ST3GAL1: variants seen among roughly 807,000 people sequenced by gnomAD.
ST3GAL1 encodes ST3 beta-galactoside alpha-2,3-sialyltransferase 1.
ST3GAL1 carries 16 observed loss-of-function variants against 34.1 expected under a neutral mutation model. The observed-to-expected ratio is 0.47, with a 90% confidence interval of 0.32 to 0.71. ST3GAL1 has a LOEUF of 0.71. Ranked by LOEUF, ST3GAL1 falls within the 30% of genes least tolerant of loss-of-function variation. The probability of loss-of-function intolerance (pLI) is 0.04; values close to 1 mark genes in which losing one functional copy is unlikely to be tolerated. For missense variants in ST3GAL1, 353 were observed against 447.4 expected (o/e 0.79, Z 1.90); for synonymous variants, 191 against 184.7 (o/e 1.03, Z -0.28).
At chr8:133,511,630 C>A (rs111742965) in intron 2 of ST3GAL1, among the ~76,000 whole-genome samples, 3,921 of 152,312 alleles carry the variant, frequency 0.026, 59 homozygotes, top group Non-Finnish European at 0.035. Context: ...TGCCAACGTG[C>A]CACACCAACA....
chr8:133,460,821 A>C (rs1305335292), intron 9 of ST3GAL1, among the ~76,000 whole-genome samples: 2 of 151,782 alleles, frequency 1.3e-5, no homozygotes, highest in Non-Finnish European at 2.9e-5. Context: ...GATGACCAGA[A>C]GGAATTGCAT....
chr8:133,554,712 T>A (rs1052540481), intron 1 of ST3GAL1, among the ~76,000 whole-genome samples: 2 of 151,154 alleles, frequency 1.3e-5, no homozygotes, highest in East Asian at 2.0e-4. Flanking sequence ...GGGGTTTTTT[T>A]ATTTCTTTAT....
chr8:133,495,194 A>C (rs1586616700), intron 3 of ST3GAL1, among the ~76,000 whole-genome samples: 1 of 152,294 alleles, frequency 6.6e-6, no homozygotes, highest in East Asian at 1.9e-4. Context: ...CTGGGATTAC[A>C]GGCATGAGCC....
chr8:133,483,879 AG>A (rs1030423835), intron 3 of ST3GAL1, among the ~76,000 whole-genome samples: 2 of 152,140 alleles, frequency 1.3e-5, no homozygotes, highest in Non-Finnish European at 2.9e-5. Context: ...CCCCAGGAAA[AG>A]GTTCCTCAAA....
intron 3 of ST3GAL1, among the ~76,000 whole-genome samples, chr8:133,491,617 T>G (rs1156438773): frequency 6.6e-6 from 1 of 152,154 alleles, no homozygotes; most frequent in Non-Finnish European, 1.5e-5. Flanking sequence ...TTCAGGGGCA[T>G]CCAGGAGGTG....
At chr8:133,568,617 T>G (rs557105282) in intron 1 of ST3GAL1, among the ~76,000 whole-genome samples, 1 of 152,138 alleles carries the variant, frequency 6.6e-6, no homozygotes, top group South Asian at 2.1e-4. Context: ...GGGCCTAGAG[T>G]GAGGGTTAAT....
intron 2 of ST3GAL1, among the ~76,000 whole-genome samples, chr8:133,538,160 C>T (rs1818360210): frequency 6.6e-6 from 1 of 152,164 alleles, no homozygotes; most frequent in Non-Finnish European, 1.5e-5. Flanking sequence ...CAGCAGAAAC[C>T]ATGTTTTTGT....
At chr8:133,514,333 G>A (rs1817584411) in intron 2 of ST3GAL1, among the ~76,000 whole-genome samples, 1 of 152,132 alleles carries the variant, frequency 6.6e-6, no homozygotes, top group Admixed American at 6.5e-5. Context: ...ATTCATTTTG[G>A]CTTTAGGATC....
chr8:133,464,688 T>C, intron 7 of ST3GAL1, 90 bp downstream of exon 7: 1 of 1,442,170 alleles, frequency 6.9e-7, no homozygotes, highest in South Asian at 1.4e-5. Flanking sequence ...GGCACCCCGG[T>C]GGAGGCACAG....
intron 2 of ST3GAL1, among the ~76,000 whole-genome samples, chr8:133,503,866 C>T (rs1392499586): frequency 6.6e-6 from 1 of 152,184 alleles, no homozygotes; most frequent in African/African-American, 2.4e-5. Flanking sequence ...TGAGGTGATG[C>T]ATTAGGGCTG....
chr8:133,503,596 G>GT (rs142834257), intron 2 of ST3GAL1, among the ~76,000 whole-genome samples: 4,286 of 152,040 alleles, frequency 0.028, 212 homozygotes, highest in African/African-American at 0.098. Flanking sequence ...TTGATCAATT[G>GT]TTTTTCCTTA....
chr8:133,513,448 T>A (rs932568890), intron 2 of ST3GAL1, among the ~76,000 whole-genome samples: 2 of 152,228 alleles, frequency 1.3e-5, no homozygotes, highest in Admixed American at 6.5e-5. Flanking sequence ...AGGCCTCCCA[T>A]ATTTATATAG....
intron 2 of ST3GAL1, among the ~76,000 whole-genome samples, chr8:133,506,700 G>C (rs1817350546): frequency 1.3e-5 from 2 of 152,072 alleles, no homozygotes; most frequent in South Asian, 4.1e-4. Context: ...CAGGAGAATT[G>C]CTTGAATCTG....
intron 3 of ST3GAL1, among the ~76,000 whole-genome samples, chr8:133,496,583 G>A (rs543583243): frequency 6.6e-6 from 1 of 152,310 alleles, no homozygotes; most frequent in Admixed American, 6.5e-5. Context: ...AGAGTCTCCA[G>A]GAGGGGGCGT....
chr8:133,519,494 T>TGGC (rs977515418), intron 2 of ST3GAL1, among the ~76,000 whole-genome samples: 2 of 152,252 alleles, frequency 1.3e-5, no homozygotes, highest in Non-Finnish European at 2.9e-5. Context: ...AGATAAATTA[T>TGGC]GGCTCACAAA....
At chr8:133,515,773 C>T (rs1023385633) in intron 2 of ST3GAL1, 2 of 152,162 alleles carry the variant, frequency 1.3e-5, no homozygotes, top group African/African-American at 4.8e-5. Flanking sequence ...CAAATGATTT[C>T]AACTCAGTAG....
At position 133,483,470 on chromosome 8, in the gene ST3GAL1, C is replaced by G. The variant is rs879832; in HGVS notation, c.-373-6870G>C. On this transcript the variant is annotated intron_variant, in intron 3 of 9. Transcript: ENST00000522652. ...CAAAGGTCAATTCTGTCTCTCCCCA[C>G]TAAGCTTCAAGGTCCTCATTTGTAA... Among the ~76,000 whole-genome samples the G allele has an allele frequency of 2.4e-4, 37 of 152,332 alleles. 1 individual carries two copies. In the South Asian group the frequency reaches 7.3e-3, roughly 30 times the overall value.
chr8:133,552,563 T>C, intron 1 of ST3GAL1, among the ~76,000 whole-genome samples: 1 of 152,172 alleles, frequency 6.6e-6, no homozygotes, highest in Admixed American at 6.5e-5. Flanking sequence ...GGGTCCCCTT[T>C]GGGTGCGGTG....
chr8:133,526,542 T>C (rs1451638642), intron 2 of ST3GAL1, among the ~76,000 whole-genome samples: 3 of 152,172 alleles, frequency 2.0e-5, no homozygotes, highest in African/African-American at 7.2e-5. Flanking sequence ...AGGGACCTAA[T>C]GGCTTGTGGG....
Sources: allele counts gnomAD v4.1 joint callset (sites outside exome capture counted in the v4.1 genomes callset), GRCh38; gene constraint gnomAD v4.1.1; transcripts MANE v1.5; gene names NCBI Gene and HGNC (gene_info 2026-07-23, HGNC 2026-07-21).